GRIN2D: variants seen among roughly 807,000 people sequenced by gnomAD.
GRIN2D encodes glutamate receptor ionotropic, NMDA 2D.
In GRIN2D, 37 loss-of-function variants were observed where a neutral mutation model predicts 103.2. That is an observed-to-expected ratio of 0.36 (90% CI 0.28 to 0.47). GRIN2D has a LOEUF of 0.47. Among genes scored for constraint, GRIN2D ranks in the 20% least tolerant of loss-of-function variants. The probability of loss-of-function intolerance (pLI) is 1.00; values close to 1 mark genes in which losing one functional copy is unlikely to be tolerated. For missense variants in GRIN2D, 1,557 were observed against 1,910.6 expected, an observed-to-expected ratio of 0.81 and a Z score of 3.45; for synonymous variants, 845 against 885.6, an observed-to-expected ratio of 0.95 and a Z score of 0.81.
intron 4 of GRIN2D, among the ~76,000 whole-genome samples, chr19:48,411,866 G>A (rs1970865685): frequency 6.6e-6 from 1 of 151,884 alleles, no homozygotes; most frequent in South Asian, 2.1e-4. Context: ...TCTCAGAGAT[G>A]CGGCTTCAGA....
In GRIN2D at chr19:48,405,020, A is replaced by C; in HGVS notation, c.752A>C (p.Glu251Ala). 6.2e-7 allele frequency: 1 copy of C among 1,612,252 alleles called. No homozygotes were observed. Among genetic ancestry groups the C allele is most frequent in the Non-Finnish European group, 8.5e-7 (1 of 1,179,402 alleles). ...AQIRLLFCAR[E>A]EAEPVFRAAE... The stretch of plus-strand genomic sequence containing the variant: ...ATCCGCCTGCTCTTCTGCGCCCGAG[A>C]GGAGGCCGAGCCCGTGTTCCGCGCA... The change falls in exon 4 of 14, where the codon GAG (glutamate) becomes GCG (alanine). Residue 251 changes from glutamate to alanine, a missense_variant. Physicochemically the swap from Glu to Ala is moderately radical, Grantham distance 107. This residue lies in a region of GRIN2D where 490 missense variants were observed against 601.1 expected (regional missense o/e 0.82). Transcript: ENST00000263269. The surrounding 1 kb of genome is among the most constrained non-coding windows in gnomAD (Gnocchi z 5.1).
chr19:48,405,461 C>A lies in GRIN2D; in HGVS notation c.1085+108C>A. 8.5e-7 allele frequency: 1 copy of A among 1,173,704 alleles called. No individual in the cohort carries two copies. The highest frequency in any genetic ancestry group is 1.1e-6 in the Non-Finnish European group (1 of 877,330). 72.7% of individuals were successfully genotyped at this position (1,173,704 alleles called of 1,614,324 possible). ...TGGGCCACATCTGCTCTTTGAGCCT[C>A]AGTTTTCTTTTCTGTAAAGTGGGTG... On this transcript the variant is annotated intron_variant, in intron 4 of 13. Transcript: ENST00000263269. This position sits in a 1 kb window ranked among gnomAD's most constrained non-coding sequence, Gnocchi z 5.1.
chr19:48,434,265 T>G (rs1209841038), intron 11 of GRIN2D, among the ~76,000 whole-genome samples: 1 of 151,312 alleles, frequency 6.6e-6, no homozygotes, highest in Non-Finnish European at 1.5e-5. Context: ...TTCTTCTATT[T>G]TCTTTTGAGA....
At chr19:48,409,725 C>G (rs1357788963) in intron 4 of GRIN2D, among the ~76,000 whole-genome samples, 1 of 152,110 alleles carries the variant, frequency 6.6e-6, no homozygotes, top group Non-Finnish European at 1.5e-5. Context: ...GAGAGGGTTG[C>G]AGGGCCCAGC....
intron 11 of GRIN2D, among the ~76,000 whole-genome samples, chr19:48,440,217 A>T (rs1478206803): frequency 6.6e-6 from 1 of 151,962 alleles, no homozygotes; most frequent in African/African-American, 2.4e-5. Flanking sequence ...GTCTCAAGAA[A>T]AAAAAAATAA....
chr19:48,405,031 C>A lies in GRIN2D; in HGVS notation c.763C>A (p.Pro255Thr). Residue 255 changes from proline to threonine, a missense_variant, in exon 4 of 14, where the codon CCC (proline) becomes ACC (threonine). Pro to Thr is a conservative substitution (Grantham distance 38). Coordinates refer to ENST00000263269, the MANE Select transcript of GRIN2D (RefSeq NM_000836.4). This position sits in a 1 kb window ranked among gnomAD's most constrained non-coding sequence, Gnocchi z 5.1. ...CTTCTGCGCCCGAGAGGAGGCCGAG[C>A]CCGTGTTCCGCGCAGCTGAGGAGGC... is the stretch of plus-strand genomic sequence containing the variant. Reference protein sequence around the residue: ...LLFCAREEAEPVFRAAEEAGL... With the variant: ...LLFCAREEAETVFRAAEEAGL... The A allele has an allele frequency of 6.2e-7, 1 of 1,611,836 alleles. No homozygotes were observed. The highest frequency in any genetic ancestry group is 8.5e-7 in the Non-Finnish European group (1 of 1,179,176).
Position 48,442,600 on chromosome 19 carries a change from G to T in GRIN2D, c.2674G>T (p.Gly892Cys). ...RMDFLLAFSR[G>C]MYSCCSAEAA... is the part of the protein sequence containing the mutation. ...CCCCGTCCTGTCCCCGGACCCGCAG[G>T]GCATGTACAGCTGCTGCAGCGCTGA... The change falls in exon 14 of 14, where the codon GGC becomes TGC. Residue 892 changes from glycine (G) to cysteine (C), a missense_variant and splice_region_variant. Gly to Cys is a radical substitution (Grantham distance 159). Around this residue, in one of 7 missense-constraint regions of GRIN2D, gnomAD observed 632 missense variants for 572.8 expected, o/e 1.10. Transcript: ENST00000263269. The surrounding 1 kb of genome is among the most constrained non-coding windows in gnomAD (Gnocchi z 7.2). 1.3e-6 allele frequency: 2 copies of T among 1,510,260 alleles called. No homozygotes were observed. Among genetic ancestry groups the T allele is most frequent in the Non-Finnish European group, 1.8e-6 (2 of 1,134,278 alleles). 93.6% of individuals were successfully genotyped at this position (1,510,260 alleles called of 1,614,324 possible).
chr19:48,417,852 A>G (rs1453123515), intron 8 of GRIN2D, among the ~76,000 whole-genome samples: 3 of 152,074 alleles, frequency 2.0e-5, no homozygotes, highest in African/African-American at 7.2e-5. Context: ...CCTAATCTCA[A>G]TGAAATGGTG....
At chr19:48,424,778 T>C (rs901349063) in intron 11 of GRIN2D, among the ~76,000 whole-genome samples, 3 of 152,184 alleles carry the variant, frequency 2.0e-5, no homozygotes, top group African/African-American at 7.2e-5. Flanking sequence ...GTGTCACTGC[T>C]GCACTGGACC....
In GRIN2D at chr19:48,416,210, A is replaced by G. The variant is rs945389055; in HGVS notation, c.1735+55A>G. 15 of 1,523,582 alleles carry G rather than the reference A, an allele frequency of 9.8e-6. No individual in the cohort carries two copies. The African/African-American group carries it at 1.4e-4, about 14-fold the overall frequency. 94.4% of individuals were successfully genotyped at this position (1,523,582 alleles called of 1,614,324 possible). A position where few individuals can be genotyped will look rare whatever the true frequency, so the allele number is the denominator to read the frequency against. ...GCCCTAGGCAAAGTAGCCGTCCCCA[A>G]CCGTGTGGGCCCTGGGATCAGAAAA... On this transcript the variant is annotated intron_variant, in intron 8 of 13. Transcript: ENST00000263269.
At position 48,443,535 on chromosome 19, in the gene GRIN2D, C is replaced by G; in HGVS notation, c.3609C>G (p.Asp1203Glu). The G allele has an allele frequency of 7.8e-7, 1 of 1,287,444 alleles. No individual in the cohort carries two copies. Among genetic ancestry groups the G allele is most frequent in the Admixed American group, 4.0e-5 (1 of 24,854 alleles). 79.8% of individuals were successfully genotyped at this position (1,287,444 alleles called of 1,614,324 possible). ...RHLSCSHDGL[D>E]GGWWAPPPPP... is the part of the protein sequence containing the mutation. ...TCAGCTGCTCGCACGATGGCCTGGACGGCGGCTGGTGGGCGCCACCGCCTC... is the reference window on the plus strand; with the variant it reads ...TCAGCTGCTCGCACGATGGCCTGGAGGGCGGCTGGTGGGCGCCACCGCCTC... The change falls in exon 14 of 14, where the codon GAC becomes GAG. Residue 1203 changes from aspartate (D) to glutamate (E), a missense_variant. Coordinates refer to ENST00000263269, the MANE Select transcript of GRIN2D (RefSeq NM_000836.4). The surrounding 1 kb of genome is among the most constrained non-coding windows in gnomAD (Gnocchi z 8.9).
rs960185163 is a variant in GRIN2D, at chr19:48,443,457, C to T, written c.3531C>T (p.Ala1177=). The change falls in exon 14 of 14, where the codon GCC becomes GCT. Residue 1177 remains alanine, a synonymous_variant. Transcript: ENST00000263269. The surrounding 1 kb of genome is among the most constrained non-coding windows in gnomAD (Gnocchi z 8.9). ...TGCCCCCGCGCAGCGGTCCGGCCGCCTGGCACTGTCGGCACTGCGCCAGCC... is the reference window on the plus strand; with the variant it reads ...TGCCCCCGCGCAGCGGTCCGGCCGCTTGGCACTGTCGGCACTGCGCCAGCC... ...DYLPPRSGPA[A]WHCRHCASLE... The T allele has an allele frequency of 1.9e-5, 26 of 1,384,850 alleles. No homozygotes were observed. In the African/African-American group the frequency reaches 3.3e-4, roughly 18 times the overall value. 85.8% of individuals were successfully genotyped at this position (1,384,850 alleles called of 1,614,324 possible).
intron 11 of GRIN2D, among the ~76,000 whole-genome samples, chr19:48,438,972 G>T (rs1971262386): frequency 6.7e-6 from 1 of 149,794 alleles, no homozygotes; most frequent in Admixed American, 6.6e-5. Context: ...TAGAGGCAGG[G>T]TATCACTATG....
intron 11 of GRIN2D, among the ~76,000 whole-genome samples, chr19:48,423,031 T>G (rs1301641562): frequency 5.9e-5 from 9 of 152,082 alleles, no homozygotes; most frequent in Admixed American, 5.9e-4. Flanking sequence ...GCCAACATGA[T>G]GAAACCTTGT....
rs1002268695 is a variant in GRIN2D at position 48,414,712 on chromosome 19, A to G, written c.1412+128A>G. 1 of 1,260,880 alleles carries G rather than the reference A, an allele frequency of 7.9e-7. No individual in the cohort carries two copies. The highest frequency in any genetic ancestry group is 1.5e-5 in the African/African-American group (1 of 66,892). 78.1% of individuals were successfully genotyped at this position (1,260,880 alleles called of 1,614,324 possible). Reference sequence around the variant, plus strand: ...CAAAGCCCTCCAGCTTGGTGACCTTAGGCAAACCTCAGAATTCTTTGAGCC... The same window carrying G: ...CAAAGCCCTCCAGCTTGGTGACCTTGGGCAAACCTCAGAATTCTTTGAGCC... On this transcript the variant is annotated intron_variant, in intron 6 of 13. Coordinates refer to ENST00000263269, the MANE Select transcript of GRIN2D (RefSeq NM_000836.4). The surrounding 1 kb of genome is among the most constrained non-coding windows in gnomAD (Gnocchi z 4.6).
chr19:48,443,254 C>A lies in GRIN2D; in HGVS notation c.3328C>A (p.Pro1110Thr). The change falls in exon 14 of 14, where the codon CCG becomes ACG. Residue 1110 changes from proline to threonine, a missense_variant. By Grantham distance (38) the Pro-to-Thr change is conservative. Transcript: ENST00000263269. The surrounding 1 kb of genome is among the most constrained non-coding windows in gnomAD (Gnocchi z 8.9). ...PPPCPYLDLE[P>T]SPSDSEDSES... is the part of the protein sequence containing the mutation. ...CCCGTGCCCTTACCTCGATCTCGAGCCGTCGCCGTCGGACTCGGAGGACTC... is the reference window on the plus strand; with the variant it reads ...CCCGTGCCCTTACCTCGATCTCGAGACGTCGCCGTCGGACTCGGAGGACTC... The A allele has an allele frequency of 1.3e-6, 2 of 1,513,632 alleles. No individual in the cohort carries two copies. Among genetic ancestry groups the A allele is most frequent in the East Asian group, 2.8e-5 (1 of 36,242 alleles). 93.8% of individuals were successfully genotyped at this position (1,513,632 alleles called of 1,614,324 possible).
Position 48,414,463 on chromosome 19 carries a change from C to T in GRIN2D, c.1291C>T (p.His431Tyr). The change falls in exon 6 of 14, where the codon CAC (histidine) becomes TAC (tyrosine). Residue 431 changes from histidine (H) to tyrosine (Y), a missense_variant. Around this residue, in one of 7 missense-constraint regions of GRIN2D, gnomAD observed 197 missense variants for 334.1 expected, o/e 0.59. Coordinates refer to ENST00000263269, the MANE Select transcript of GRIN2D (RefSeq NM_000836.4). The surrounding 1 kb of genome is among the most constrained non-coding windows in gnomAD (Gnocchi z 4.6). Reference protein sequence around the residue: ...RFLQPVDDTQHLTVATLEERP... With the variant: ...RFLQPVDDTQYLTVATLEERP... ...CCTGCAGCCAGTGGACGACACGCAG[C>T]ACCTCACGGTGGCCACGCTGGAGGA... is the stretch of plus-strand genomic sequence containing the variant. 1 of 1,606,516 alleles carries T rather than the reference C, an allele frequency of 6.2e-7. No homozygotes were observed. Among genetic ancestry groups the T allele is most frequent in the Non-Finnish European group, 8.5e-7 (1 of 1,176,606 alleles).
chr19:48,407,080 C>T (rs1367023125), intron 4 of GRIN2D, among the ~76,000 whole-genome samples: 6 of 151,286 alleles, frequency 4.0e-5, no homozygotes, highest in Non-Finnish European at 8.8e-5. Flanking sequence ...TGAGTTCAAG[C>T]GATTCTCCTG....
chr19:48,405,228 G>A lies in GRIN2D; in HGVS notation c.960G>A (p.Val320=). The A allele has an allele frequency of 6.3e-7, 1 of 1,598,052 alleles. No homozygotes were observed. The highest frequency in any genetic ancestry group is 2.2e-5 in the East Asian group (1 of 44,446). ...GGCGGGATGACCTGGCTCGGCGAGT[G>A]GCAGCTGGCGTGGCCGTAGTGGCCA... ...AGWRDDLARR[V]AAGVAVVARG... Residue 320 remains valine, a synonymous_variant, in exon 4 of 14, where the codon GTG becomes GTA. Transcript: ENST00000263269. This position sits in a 1 kb window ranked among gnomAD's most constrained non-coding sequence, Gnocchi z 5.1.
Sources: gnomAD v4.1 joint callset for allele counts (sites outside exome capture counted in the v4.1 genomes callset) on GRCh38, gnomAD v4.1.1 for gene constraint, gnomAD v4.1.1 regional missense constraint, Gnocchi (gnomAD v3.1) non-coding constraint, MANE v1.5 for transcripts, NCBI Gene and HGNC (gene_info 2026-07-23, HGNC 2026-07-21) for gene names.